GRM7: variants seen among roughly 807,000 people sequenced by gnomAD.
GRM7 encodes the protein glutamate metabotropic receptor 7, also known as metabotropic glutamate receptor 7.
GRM7 carries 35 observed loss-of-function variants against 84.5 expected under a neutral mutation model. That is an observed-to-expected ratio of 0.41 (90% confidence interval 0.32 to 0.55). The LOEUF (loss-of-function observed/expected upper bound fraction) is 0.55. Ranked by LOEUF, GRM7 falls within the 20% of genes least tolerant of loss-of-function variation. The pLI is 0.19. For synonymous variants in GRM7, 487 were observed against 455.1 expected (o/e 1.07, Z -0.89); for missense variants, 1,003 against 1,194.6 (o/e 0.84, Z 2.36).
intron 2 of GRM7, among the ~76,000 whole-genome samples, chr3:7,166,381 C>A (rs965396915): frequency 2.0e-5 from 3 of 152,134 alleles, no homozygotes; most frequent in East Asian, 1.9e-4. Context: ...TAGCTGTTAA[C>A]CTTTTTCCAT....
chr3:7,623,722 A>T (rs538782785), intron 8 of GRM7, among the ~76,000 whole-genome samples: 10 of 152,146 alleles, frequency 6.6e-5, no homozygotes, highest in African/African-American at 1.9e-4. Flanking sequence ...GGTGTTAGTT[A>T]TCAACTTGCC....
intron 8 of GRM7, among the ~76,000 whole-genome samples, chr3:7,646,402 C>T (rs1277719276): frequency 6.6e-6 from 1 of 152,056 alleles, no homozygotes; most frequent in Admixed American, 6.6e-5. Context: ...CCATGTTGGT[C>T]AGGCTGGTCT....
intron 9 of GRM7, among the ~76,000 whole-genome samples, chr3:7,701,600 C>G (rs142829306): frequency 0.011 from 1,605 of 152,228 alleles, 37 homozygotes; most frequent in African/African-American, 0.037. Context: ...CCATGCCCAG[C>G]TGCCTTTATT....
At chr3:7,555,120 T>TAAAATGTGG (rs1483161091) in intron 7 of GRM7, among the ~76,000 whole-genome samples, 1 of 152,188 alleles carries the variant, frequency 6.6e-6, no homozygotes, top group Non-Finnish European at 1.5e-5. Context: ...TTCTCAGTTG[T>TAAAATGTGG]AAAATGTGGA....
chr3:7,267,430 T>C (rs949505532), intron 2 of GRM7, among the ~76,000 whole-genome samples: 1 of 152,248 alleles, frequency 6.6e-6, no homozygotes, highest in African/African-American at 2.4e-5. Context: ...GTTGTAGCAA[T>C]TGGTATTCTA....
chr3:7,029,263 C>T (rs1348176933), intron 1 of GRM7, among the ~76,000 whole-genome samples: 1 of 143,498 alleles, frequency 7.0e-6, no homozygotes, highest in Non-Finnish European at 1.5e-5. Flanking sequence ...GGGATCACGC[C>T]ATTGCACTCT....
At chr3:7,572,426 T>G (rs936491125) in intron 7 of GRM7, among the ~76,000 whole-genome samples, 1 of 152,078 alleles carries the variant, frequency 6.6e-6, no homozygotes, top group Non-Finnish European at 1.5e-5. Flanking sequence ...TCAGAAACCT[T>G]AGGGAAGTCT....
chr3:7,492,538 C>T (rs145528368), intron 7 of GRM7, among the ~76,000 whole-genome samples: 22 of 152,010 alleles, frequency 1.4e-4, no homozygotes, highest in African/African-American at 3.6e-4. Context: ...TTTTAATGAC[C>T]GCTGAATCTA....
chr3:6,980,476 C>T (rs1559365207), intron 1 of GRM7, among the ~76,000 whole-genome samples: 1 of 152,110 alleles, frequency 6.6e-6, no homozygotes, highest in African/African-American at 2.4e-5. Flanking sequence ...TTACTGCATA[C>T]TTGGGAAGCC....
chr3:7,722,634 G>A (rs73123748), intron 9 of GRM7, among the ~76,000 whole-genome samples: 3,976 of 152,036 alleles, frequency 0.026, 130 homozygotes, highest in African/African-American at 0.071. Context: ...GTAGAGACAG[G>A]GGTTCACCAC....
chr3:7,142,964 T>C (rs1468865977), intron 1 of GRM7, among the ~76,000 whole-genome samples: 3 of 152,150 alleles, frequency 2.0e-5, no homozygotes, highest in Non-Finnish European at 4.4e-5. Flanking sequence ...AAAAATATTT[T>C]AGTTTTCTAA....
In GRM7 at chr3:7,524,933, G is replaced by C. The variant is rs1316817491; in HGVS notation, c.1516-53489G>C. On this transcript the variant is annotated intron_variant, in intron 7 of 9. Coordinates refer to ENST00000357716, the MANE Select transcript of GRM7 (RefSeq NM_000844.4). ...ATATATACCATAGAATACTATGCAG[G>C]CATAAAAAATGATGAGTTCATGTCC... Among the ~76,000 whole-genome samples, 8 of 144,598 alleles carry C rather than the reference G, an allele frequency of 5.5e-5. No homozygotes were observed. The East Asian group carries it at 6.1e-4, about 11-fold the overall frequency. 94.9% of individuals were successfully genotyped at this position (144,598 alleles called of 152,430 possible).
intron 2 of GRM7, among the ~76,000 whole-genome samples, chr3:7,171,567 T>C (rs1694984733): frequency 6.6e-6 from 1 of 152,172 alleles, no homozygotes. Context: ...GTGATGTCTA[T>C]CTGCATAAAT....
chr3:6,943,242 T>C (rs1697950905), intron 1 of GRM7, among the ~76,000 whole-genome samples: 1 of 151,868 alleles, frequency 6.6e-6, no homozygotes, highest in Non-Finnish European at 1.5e-5. Flanking sequence ...ATTTTTTCTT[T>C]TATGGACCAT....
chr3:7,351,338 C>CAAAAA lies in GRM7; in HGVS notation c.1033+44686_1033+44687insAAAAA, dbSNP rs1559258100. Among the ~76,000 whole-genome samples, 2 of 41,394 alleles carry CAAAAA rather than the reference C, an allele frequency of 4.8e-5. 1 individual carries two copies. The highest frequency in any genetic ancestry group is 1.7e-4 in the African/African-American group (2 of 11,636). The allele number at this position is 41,394 out of a possible 152,430, so 27.2% of individuals were successfully genotyped here. On this transcript the variant is annotated intron_variant, in intron 4 of 9. Coordinates refer to ENST00000357716, the MANE Select transcript of GRM7 (RefSeq NM_000844.4). ...CACTCAGTTGCCTTATTCCCACAGG[C>CAAAAA]GAAAAAAAAAAAAAAAAAAAAAAAA...
chr3:7,084,214 A>G (rs6785425), intron 1 of GRM7, among the ~76,000 whole-genome samples: 30,829 of 152,046 alleles, frequency 0.2, 6,115 homozygotes, highest in African/African-American at 0.51. Context: ...TATATGAAAT[A>G]GTAGAGGCAA....
intron 7 of GRM7, among the ~76,000 whole-genome samples, chr3:7,548,065 C>A (rs976399156): frequency 6.6e-6 from 1 of 152,188 alleles, no homozygotes; most frequent in African/African-American, 2.4e-5. Context: ...TGCTGGCACC[C>A]AAGAGTATAA....
At chr3:7,525,064 A>C (rs187374727) in intron 7 of GRM7, among the ~76,000 whole-genome samples, 2 of 149,882 alleles carry the variant, frequency 1.3e-5, no homozygotes, top group Non-Finnish European at 3.0e-5. Flanking sequence ...GAATTGAACA[A>C]TGAGAACACA....
At chr3:6,961,156 A>G (rs958192479) in intron 1 of GRM7, among the ~76,000 whole-genome samples, 3 of 152,146 alleles carry the variant, frequency 2.0e-5, no homozygotes, top group Admixed American at 6.5e-5. Flanking sequence ...GAAATATCCT[A>G]TAACTTATTA....
Sources: gnomAD v4.1 joint callset for allele counts (sites outside exome capture counted in the v4.1 genomes callset) on GRCh38, gnomAD v4.1.1 for gene constraint, MANE v1.5 for transcripts, NCBI Gene and HGNC (gene_info 2026-07-23, HGNC 2026-07-21) for gene names.